The following MACROD2 variants were observed in gnomAD, a reference collection of about 807,000 sequenced individuals.
The protein encoded by MACROD2 is mono-ADP ribosylhydrolase 2, also known as ADP-ribose glycohydrolase MACROD2.
A neutral mutation model predicts 70.4 loss-of-function variants in MACROD2; 36 were observed. The observed-to-expected ratio is 0.51, with a 90% CI of 0.39 to 0.68. MACROD2 has a LOEUF of 0.68. MACROD2 is among the 30% of genes least tolerant of loss of function. The probability of loss-of-function intolerance (pLI) is 0.00; values close to 1 mark genes in which losing one functional copy is unlikely to be tolerated. For synonymous variants in MACROD2, 172 were observed against 178.8 expected (o/e 0.96, Z 0.30); for missense variants, 496 against 538.4 (o/e 0.92, Z 0.78).
chr20:15,580,322 G>T (rs2146644947), intron 8 of MACROD2, among the ~76,000 whole-genome samples: 1 of 152,142 alleles, frequency 6.6e-6, no homozygotes, highest in Middle Eastern at 3.4e-3. Flanking sequence ...TGGTGTCCGG[G>T]ATCCTATCTG....
At chr20:15,423,389 A>G (rs1248699673) in intron 6 of MACROD2, among the ~76,000 whole-genome samples, 1 of 152,222 alleles carries the variant, frequency 6.6e-6, no homozygotes, top group Non-Finnish European at 1.5e-5. Context: ...TGGCCAAATC[A>G]AGTCACATGC....
intron 3 of MACROD2, among the ~76,000 whole-genome samples, chr20:14,207,687 C>G (rs73090708): frequency 0.053 from 8,059 of 152,228 alleles, 284 homozygotes; most frequent in Non-Finnish European, 0.077. Flanking sequence ...CCATCACAAC[C>G]CCTATCAACA....
At chr20:14,097,020 TTC>T (rs1197044608) in intron 3 of MACROD2, among the ~76,000 whole-genome samples, 3 of 152,228 alleles carry the variant, frequency 2.0e-5, no homozygotes, top group Admixed American at 1.3e-4. Flanking sequence ...CATTGCTGTT[TTC>T]TCTGTCTTCC....
At chr20:14,323,052 A>G (rs766040034) in intron 3 of MACROD2, 4 of 152,178 alleles carry the variant, frequency 2.6e-5, no homozygotes, top group Non-Finnish European at 4.4e-5. Flanking sequence ...TGTCTTAACA[A>G]GTTTTGCCCC....
intron 3 of MACROD2, among the ~76,000 whole-genome samples, chr20:14,363,256 T>C (rs772617644): frequency 5.3e-5 from 8 of 152,180 alleles, no homozygotes; most frequent in Non-Finnish European, 1.0e-4. Flanking sequence ...AACACAGTTG[T>C]AATTCAATGA....
intron 8 of MACROD2, among the ~76,000 whole-genome samples, chr20:15,809,691 C>T (rs540172178): frequency 1.7e-3 from 262 of 152,130 alleles, no homozygotes; most frequent in African/African-American, 5.7e-3. Flanking sequence ...CCGTTAGGCC[C>T]CACCTCTAAC....
At chr20:14,581,719 G>A (rs73612369) in intron 4 of MACROD2, among the ~76,000 whole-genome samples, 11,460 of 152,212 alleles carry the variant, frequency 0.075, 720 homozygotes, top group South Asian at 0.3. Flanking sequence ...TCTCCCAGCC[G>A]ACTCTTCCCA....
chr20:14,964,737 G>T (rs1379477913), intron 5 of MACROD2, among the ~76,000 whole-genome samples: 4 of 152,062 alleles, frequency 2.6e-5, no homozygotes, highest in African/African-American at 7.2e-5. Context: ...TTTAACTTGT[G>T]AACCCAAGCA....
chr20:15,525,040 C>G (rs544652359), intron 8 of MACROD2, among the ~76,000 whole-genome samples: 1 of 152,276 alleles, frequency 6.6e-6, no homozygotes, highest in East Asian at 1.9e-4. Context: ...TGCGATTGCC[C>G]CACTGGCTTA....
intron 8 of MACROD2, among the ~76,000 whole-genome samples, chr20:15,616,439 C>T (rs190512716): frequency 6.6e-6 from 1 of 152,102 alleles, no homozygotes; most frequent in Non-Finnish European, 1.5e-5. Flanking sequence ...ACAGTCATAT[C>T]AAAGAAGAAG....
intron 4 of MACROD2, among the ~76,000 whole-genome samples, chr20:14,537,778 C>T (rs143906093): frequency 2.6e-5 from 4 of 152,270 alleles, no homozygotes; most frequent in Admixed American, 1.3e-4. Flanking sequence ...GGAAATGGCA[C>T]CAGTGGTTCA....
At chr20:15,128,422 A>G (rs146749526) in intron 5 of MACROD2, among the ~76,000 whole-genome samples, 197 of 152,234 alleles carry the variant, frequency 1.3e-3, no homozygotes, top group Non-Finnish European at 2.4e-3. Context: ...TACTTGAAAG[A>G]TTAAATTATG....
chr20:15,763,877 T>TAC (rs1415110347), intron 8 of MACROD2, among the ~76,000 whole-genome samples: 2 of 152,258 alleles, frequency 1.3e-5, no homozygotes, highest in East Asian at 3.8e-4. Flanking sequence ...AATAAAAAGA[T>TAC]ACATGTTATG....
At chr20:15,019,159 A>G (rs995232525) in intron 5 of MACROD2, among the ~76,000 whole-genome samples, 3 of 151,954 alleles carry the variant, frequency 2.0e-5, no homozygotes, top group African/African-American at 7.3e-5. Flanking sequence ...CTGAACACAC[A>G]CACACGCGCG....
intron 6 of MACROD2, among the ~76,000 whole-genome samples, chr20:15,408,699 T>C (rs1333348609): frequency 6.6e-6 from 1 of 152,218 alleles, no homozygotes; most frequent in African/African-American, 2.4e-5. Context: ...TGACAGTGAA[T>C]GTGCTGCTAT....
At chr20:15,453,594 G>A (rs1228153388) in intron 7 of MACROD2, among the ~76,000 whole-genome samples, 2 of 152,126 alleles carry the variant, frequency 1.3e-5, no homozygotes, top group South Asian at 2.1e-4. Flanking sequence ...AATCTTGATA[G>A]ATCAGTATCA....
intron 5 of MACROD2, among the ~76,000 whole-genome samples, chr20:14,735,139 G>T (rs187623674): frequency 6.6e-6 from 1 of 151,892 alleles, no homozygotes. Flanking sequence ...TAAATTAGAC[G>T]TTATTAAAAC....
intron 7 of MACROD2, among the ~76,000 whole-genome samples, chr20:15,479,928 A>G (rs894750198): frequency 2.0e-5 from 3 of 152,340 alleles, no homozygotes; most frequent in African/African-American, 7.2e-5. Flanking sequence ...ATATGCAGAG[A>G]TATGTTTTAA....
At chr20:15,597,835 C>T (rs924376897) in intron 8 of MACROD2, among the ~76,000 whole-genome samples, 1 of 152,154 alleles carries the variant, frequency 6.6e-6, no homozygotes, top group African/African-American at 2.4e-5. Context: ...TCCCAGCACT[C>T]TGGGAGGCTG....
Sources: allele counts gnomAD v4.1 joint callset (sites outside exome capture counted in the v4.1 genomes callset), GRCh38; gene constraint gnomAD v4.1.1; transcripts MANE v1.5; gene names NCBI Gene and HGNC (gene_info 2026-07-23, HGNC 2026-07-21).